Variants in ERBB4 observed in about 807,000 individuals in gnomAD.
ERBB4 encodes receptor tyrosine-protein kinase erbB-4.
ERBB4 carries 42 observed loss-of-function variants against 158.0 expected under a neutral mutation model. The observed-to-expected ratio is 0.27, with a 90% CI of 0.21 to 0.34. ERBB4 has a LOEUF of 0.34. Ranked by LOEUF, ERBB4 falls within the 10% of genes least tolerant of loss-of-function variation. The pLI is 1.00. For missense variants in ERBB4, 1,333 were observed against 1,624.1 expected, an observed-to-expected ratio of 0.82 and a Z score of 3.08; for synonymous variants, 583 against 558.7, an observed-to-expected ratio of 1.04 and a Z score of -0.61.
chr2:212,452,929 A>C (rs528454875), intron 1 of ERBB4, among the ~76,000 whole-genome samples: 2 of 152,310 alleles, frequency 1.3e-5, no homozygotes, highest in East Asian at 3.9e-4. Flanking sequence ...AAAACTGTAT[A>C]ATTTCTAATA....
chr2:212,064,771 G>A (rs1343850283), intron 2 of ERBB4, among the ~76,000 whole-genome samples: 1 of 151,928 alleles, frequency 6.6e-6, no homozygotes, highest in Admixed American at 6.6e-5. Flanking sequence ...CGATTTGGTA[G>A]AGAAAGAAAA....
chr2:211,868,088 C>T (rs899609500), intron 3 of ERBB4, among the ~76,000 whole-genome samples: 1 of 152,186 alleles, frequency 6.6e-6, no homozygotes, highest in Non-Finnish European at 1.5e-5. Flanking sequence ...AACTGCAGTT[C>T]TCTCTCTGAT....
chr2:211,916,159 T>C (rs944859989), intron 3 of ERBB4, among the ~76,000 whole-genome samples: 1 of 151,388 alleles, frequency 6.6e-6, no homozygotes, highest in Non-Finnish European at 1.5e-5. Context: ...TTGGATGAAA[T>C]TATTATTATT....
At chr2:211,931,469 C>T (rs758575824) in intron 3 of ERBB4, among the ~76,000 whole-genome samples, 16 of 151,824 alleles carry the variant, frequency 1.1e-4, no homozygotes, top group Non-Finnish European at 1.8e-4. Context: ...ACTACAGCAC[C>T]GTTCTCTGCT....
At chr2:212,381,662 T>C (rs763676208) in intron 1 of ERBB4, among the ~76,000 whole-genome samples, 39 of 151,242 alleles carry the variant, frequency 2.6e-4, no homozygotes, top group Non-Finnish European at 5.5e-4. Context: ...CGGAATCATA[T>C]TATGACCAGA....
chr2:211,936,686 G>T (rs1287570857), intron 3 of ERBB4, among the ~76,000 whole-genome samples: 1 of 152,024 alleles, frequency 6.6e-6, no homozygotes, highest in Non-Finnish European at 1.5e-5. Flanking sequence ...ATATTATTAA[G>T]AGAACAAAGT....
intron 2 of ERBB4, among the ~76,000 whole-genome samples, chr2:211,964,672 T>TA (rs1216058605): frequency 6.6e-6 from 1 of 152,082 alleles, no homozygotes; most frequent in Non-Finnish European, 1.5e-5. Flanking sequence ...ACTTAAAAAA[T>TA]AATTCATGCT....
At chr2:212,279,280 T>TA (rs200396290) in intron 1 of ERBB4, among the ~76,000 whole-genome samples, 2,429 of 151,670 alleles carry the variant, frequency 0.016, 64 homozygotes, top group African/African-American at 0.054. Context: ...CTACTGATCT[T>TA]ACCTAACTCT....
intron 12 of ERBB4, among the ~76,000 whole-genome samples, chr2:211,684,865 G>T (rs1279895973): frequency 6.6e-6 from 1 of 152,094 alleles, no homozygotes; most frequent in East Asian, 1.9e-4. Context: ...CCAGCCCCTT[G>T]CTCTTAAAAA....
At position 211,772,938 on chromosome 2, in the gene ERBB4, T is replaced by C. The variant is rs1221859375; in HGVS notation, c.556+15087A>G. Among the ~76,000 whole-genome samples the C allele has an allele frequency of 1.5e-3, 134 of 87,440 alleles. 1 individual carries two copies. The highest frequency in any genetic ancestry group is 4.0e-3 in the East Asian group (11 of 2,774). 57.4% of individuals were successfully genotyped at this position (87,440 alleles called of 152,430 possible). A position where few individuals can be genotyped will look rare whatever the true frequency, so the allele number is the denominator to read the frequency against. On this transcript the variant is annotated intron_variant, in intron 4 of 27. Transcript: ENST00000342788. ...ACACACACACACATATATATATATA[T>C]ATATATATATATATATATTTTTTTT... is the stretch of plus-strand genomic sequence containing the variant.
chr2:211,470,385 G>A (rs934464870), intron 20 of ERBB4, among the ~76,000 whole-genome samples: 16 of 151,998 alleles, frequency 1.1e-4, no homozygotes, highest in African/African-American at 3.6e-4. Flanking sequence ...AGAACTTAAG[G>A]TGTAAAATTG....
chr2:211,809,040 G>A (rs1312701693), intron 3 of ERBB4, among the ~76,000 whole-genome samples: 1 of 152,106 alleles, frequency 6.6e-6, no homozygotes, highest in Non-Finnish European at 1.5e-5. Flanking sequence ...TAGATGACAG[G>A]GTTTTCTAAA....
intron 1 of ERBB4, among the ~76,000 whole-genome samples, chr2:212,297,745 G>A (rs1256875832): frequency 1.3e-5 from 2 of 151,562 alleles, no homozygotes; most frequent in Admixed American, 6.6e-5. Context: ...ATGAAAAAGG[G>A]TGTATATAAT....
rs199505600 is a variant in ERBB4 at position 212,534,749 on chromosome 2, T to C, written c.82+3700A>G. The stretch of plus-strand genomic sequence containing the variant: ...AAGGGTGAATGCATAAGACAGATGA[T>C]AAATAGTACTTCTATTTAAAAACCA... On this transcript the variant is annotated intron_variant, in intron 1 of 27. Transcript: ENST00000342788. Among the ~76,000 whole-genome samples, 5 of 152,198 alleles carry C rather than the reference T, an allele frequency of 3.3e-5. No individual in the cohort carries two copies. In the East Asian group the frequency reaches 9.6e-4, roughly 29 times the overall value.
chr2:211,464,785 A>C (rs1401882733), intron 20 of ERBB4, among the ~76,000 whole-genome samples: 1 of 152,026 alleles, frequency 6.6e-6, no homozygotes, highest in African/African-American at 2.4e-5. Flanking sequence ...TTGATACAAC[A>C]GGCTGTTACA....
intron 1 of ERBB4, among the ~76,000 whole-genome samples, chr2:212,386,371 G>C (rs116300397): frequency 1.7e-3 from 262 of 151,704 alleles, no homozygotes; most frequent in Middle Eastern, 6.8e-3. Context: ...TCCAGGTTTG[G>C]GTGGGGAATG....
intron 1 of ERBB4, among the ~76,000 whole-genome samples, chr2:212,150,102 G>T (rs955570613): frequency 1.3e-4 from 20 of 152,246 alleles, no homozygotes; most frequent in African/African-American, 4.6e-4. Flanking sequence ...GTAATAAAGT[G>T]CCATAAACTG....
chr2:211,902,195 T>G, intron 3 of ERBB4, among the ~76,000 whole-genome samples: 1 of 152,108 alleles, frequency 6.6e-6, no homozygotes, highest in East Asian at 1.9e-4. Flanking sequence ...TCTCTGTGCC[T>G]CCACAAAGAC....
intron 1 of ERBB4, among the ~76,000 whole-genome samples, chr2:212,308,132 GTTGT>G (rs1485650951): frequency 6.6e-6 from 1 of 151,044 alleles, no homozygotes; most frequent in African/African-American, 2.4e-5. Flanking sequence ...AAAATACTTG[GTTGT>G]TTATTTTGAC....
Sources: gnomAD v4.1 joint callset for allele counts (sites outside exome capture counted in the v4.1 genomes callset) on GRCh38, gnomAD v4.1.1 for gene constraint, MANE v1.5 for transcripts, NCBI Gene and HGNC (gene_info 2026-07-23, HGNC 2026-07-21) for gene names.